Variants in KMT5B observed in about 807,000 individuals in gnomAD.
The protein encoded by KMT5B is lysine methyltransferase 5B.
Under a neutral mutation model 83.2 loss-of-function variants are expected in KMT5B, and 10 were observed. That is an observed-to-expected ratio of 0.12 (90% CI 0.07 to 0.20). The LOEUF is 0.20. Among genes scored for constraint, KMT5B ranks in the 10% least tolerant of loss-of-function variants. KMT5B has a pLI of 1.00. For missense variants in KMT5B, 753 were observed against 1,067.2 expected, an observed-to-expected ratio of 0.71 and a Z score of 4.10; for synonymous variants, 349 against 388.8, an observed-to-expected ratio of 0.90 and a Z score of 1.20.
intron 2 of KMT5B, among the ~76,000 whole-genome samples, chr11:68,187,693 A>T (rs544554445): frequency 5.3e-5 from 8 of 152,340 alleles, no homozygotes; most frequent in Admixed American, 2.6e-4. Context: ...TCATTGGTTT[A>T]TAGTCTTAAG....
chr11:68,179,045 G>C (rs1380608758), intron 4 of KMT5B, among the ~76,000 whole-genome samples: 1 of 152,138 alleles, frequency 6.6e-6, no homozygotes, highest in Non-Finnish European at 1.5e-5. Flanking sequence ...GGCCTTTCTG[G>C]TTCCTGTTAT....
chr11:68,173,760 G>C (rs368524729), intron 6 of KMT5B, 44 bp downstream of exon 6: 10 of 1,228,714 alleles, frequency 8.1e-6, no homozygotes, highest in Middle Eastern at 4.6e-4. Context: ...ATTTAGAAGA[G>C]AACTTTAAAT....
chr11:68,174,191 G>T, intron 5 of KMT5B: 1 of 533,924 alleles, frequency 1.9e-6, no homozygotes, highest in Non-Finnish European at 3.6e-6. Flanking sequence ...CAGCCTGGGT[G>T]ACAGAGCAAG....
intron 6 of KMT5B, among the ~76,000 whole-genome samples, chr11:68,172,164 A>G (rs887839663): frequency 6.6e-6 from 1 of 152,198 alleles, no homozygotes; most frequent in African/African-American, 2.4e-5. Flanking sequence ...CAAATTTTCA[A>G]TCTTAAATTT....
At chr11:68,186,495 T>C (rs771389324) in intron 2 of KMT5B, among the ~76,000 whole-genome samples, 1 of 152,104 alleles carries the variant, frequency 6.6e-6, no homozygotes, top group South Asian at 2.1e-4. Context: ...AGCTGGGCAG[T>C]AGAAGTGGGG....
intron 2 of KMT5B, 114 bp downstream of exon 2, chr11:68,189,803 T>C (rs1210172833): frequency 1.5e-5 from 17 of 1,114,352 alleles, no homozygotes; most frequent in East Asian, 2.6e-5. Flanking sequence ...TTGTTAATTA[T>C]GAAAATGCAA....
intron 9 of KMT5B, among the ~76,000 whole-genome samples, chr11:68,167,456 CTT>C (rs755731394): frequency 3.8e-4 from 53 of 138,994 alleles, no homozygotes; most frequent in Admixed American, 5.0e-4. Context: ...AAATTTTTTC[CTT>C]TTTTTTTTTT....
Position 68,156,546 on chromosome 11 carries a change from T to C in KMT5B, c.*1142A>G, listed in dbSNP as rs191008616. On this transcript the variant is annotated 3_prime_UTR_variant, in exon 11 of 11. Transcript: ENST00000304363. The stretch of plus-strand genomic sequence containing the variant: ...CCCACTGATGCAGTGCTTAAAACTA[T>C]ATATTTATAATTTCCTATTTTATTG... 6.5e-6 allele frequency: 1 copy of C among 152,734 alleles called. No homozygotes were observed. Among genetic ancestry groups the C allele is most frequent in the East Asian group, 1.9e-4 (1 of 5,184 alleles). 9.5% of individuals were successfully genotyped at this position (152,734 alleles called of 1,614,324 possible). A position where few individuals can be genotyped will look rare whatever the true frequency, so the allele number is the denominator to read the frequency against.
chr11:68,208,764 T>C (rs777148318), intron 1 of KMT5B, among the ~76,000 whole-genome samples: 2 of 151,922 alleles, frequency 1.3e-5, no homozygotes, highest in South Asian at 4.2e-4. Context: ...GGCGAGATGA[T>C]TGCTTGGGCC....
intron 2 of KMT5B, among the ~76,000 whole-genome samples, chr11:68,189,220 C>G (rs748192625): frequency 2.3e-4 from 35 of 152,198 alleles, no homozygotes; most frequent in Non-Finnish European, 3.8e-4. Flanking sequence ...ACATGACATA[C>G]GTTTGGACAT....
intron 10 of KMT5B, chr11:68,166,240 G>C: frequency 8.2e-7 from 1 of 1,221,030 alleles, no homozygotes; most frequent in Non-Finnish European, 1.0e-6. Flanking sequence ...TCAAAGCTCC[G>C]CAAACAGGAT....
At chr11:68,180,066 A>C (rs1378248135) in intron 4 of KMT5B, 66 bp downstream of exon 4, 2 of 1,490,830 alleles carry the variant, frequency 1.3e-6, no homozygotes, top group Non-Finnish European at 1.8e-6. Flanking sequence ...CTTAACATAA[A>C]AGAACATTTT....
At chr11:68,162,597 T>C (rs1298733789) in intron 10 of KMT5B, among the ~76,000 whole-genome samples, 1 of 152,226 alleles carries the variant, frequency 6.6e-6, no homozygotes, top group Admixed American at 6.5e-5. Flanking sequence ...TCCCATTTTA[T>C]GGTGATTCTG....
chr11:68,178,084 G>A (rs144610428), intron 4 of KMT5B, among the ~76,000 whole-genome samples: 39 of 152,336 alleles, frequency 2.6e-4, no homozygotes, highest in African/African-American at 7.5e-4. Context: ...AATCAGAAAA[G>A]CAATAGTTCA....
chr11:68,167,318 G>T, intron 9 of KMT5B, 140 bp from the exon 10 acceptor site: 1 of 940,208 alleles, frequency 1.1e-6, no homozygotes. Flanking sequence ...CCGAAGACTA[G>T]AACTCACAAA....
Position 68,158,034 on chromosome 11 carries a change from C to T in KMT5B, c.2312G>A (p.Gly771Asp). 6.2e-7 allele frequency: 1 copy of T among 1,614,118 alleles called. No individual in the cohort carries two copies. Among genetic ancestry groups the T allele is most frequent in the African/African-American group, 1.3e-5 (1 of 75,040 alleles). Reference protein sequence around the residue: ...KLNNGFNSGSGSSSTKLKIQL... With the variant: ...KLNNGFNSGSDSSSTKLKIQL... ...GATTTTTAATTTTGTAGAACTACTG[C>T]CTGATCCTGAGTTAAATCCATTATT... is the stretch of plus-strand genomic sequence containing the variant. The change falls in exon 11 of 11, where the codon GGC (glycine) becomes GAC (aspartate). Residue 771 changes from glycine (G) to aspartate (D), a missense_variant. By Grantham distance (94) the Gly-to-Asp change is moderately conservative. Transcript: ENST00000304363.
chr11:68,212,800 T>G (rs972445361), intron 1 of KMT5B: 2 of 152,070 alleles, frequency 1.3e-5, no homozygotes, highest in Admixed American at 1.3e-4. Flanking sequence ...GGTTCACGGC[T>G]GCCCATTGGA....
chr11:68,163,195 G>A (rs958607908), intron 10 of KMT5B, among the ~76,000 whole-genome samples: 3 of 152,188 alleles, frequency 2.0e-5, no homozygotes, highest in African/African-American at 7.2e-5. Context: ...AATTTTAGGT[G>A]GGGGTACACA....
At chr11:68,178,984 T>G (rs1265032641) in intron 4 of KMT5B, among the ~76,000 whole-genome samples, 1 of 152,126 alleles carries the variant, frequency 6.6e-6, no homozygotes, top group Non-Finnish European at 1.5e-5. Flanking sequence ...CAAGGCTGAG[T>G]AGATTGCCAA....
Sources: gnomAD v4.1 joint callset for allele counts (sites outside exome capture counted in the v4.1 genomes callset) on GRCh38, gnomAD v4.1.1 for gene constraint, MANE v1.5 for transcripts, NCBI Gene and HGNC (gene_info 2026-07-23, HGNC 2026-07-21) for gene names.